Variants in BMP6 observed in about 807,000 individuals in gnomAD.
BMP6 encodes bone morphogenetic protein 6.
A neutral mutation model predicts 54.1 loss-of-function variants in BMP6; 17 were observed. The observed-to-expected ratio is 0.31, with a 90% CI of 0.22 to 0.47. The LOEUF (loss-of-function observed/expected upper bound fraction) is 0.47. Among genes scored for constraint, BMP6 ranks in the 20% least tolerant of loss-of-function variants. BMP6 has a pLI of 1.00. For missense variants in BMP6, 720 were observed against 690.4 expected, an observed-to-expected ratio of 1.04 and a Z score of -0.48; for synonymous variants, 328 against 291.2, an observed-to-expected ratio of 1.13 and a Z score of -1.28.
At position 7,727,635 on chromosome 6, in the gene BMP6, A is replaced by T; in HGVS notation, c.664+16A>T. On this transcript the variant is annotated intron_variant, in intron 1 of 6. Transcript: ENST00000283147. ...GTGAACCTGGGTAAGGATTTGGGGT[A>T]ACGTAATGACGAGAACATTTCCCCC... is the stretch of plus-strand genomic sequence containing the variant. 1 of 1,526,476 alleles carries T rather than the reference A, an allele frequency of 6.6e-7. No individual in the cohort carries two copies. Among genetic ancestry groups the T allele is most frequent in the East Asian group, 2.4e-5 (1 of 42,398 alleles). 94.6% of individuals were successfully genotyped at this position (1,526,476 alleles called of 1,614,324 possible). A position where few individuals can be genotyped will look rare whatever the true frequency, so the allele number is the denominator to read the frequency against.
chr6:7,799,740 T>TAAA (rs34023411), intron 1 of BMP6, among the ~76,000 whole-genome samples: 1,688 of 145,750 alleles, frequency 0.012, 13 homozygotes, highest in South Asian at 0.053. Flanking sequence ...ACACTGATTA[T>TAAA]AAAAAAAAAA....
intron 1 of BMP6, among the ~76,000 whole-genome samples, chr6:7,783,968 A>G (rs1048456877): frequency 2.0e-5 from 3 of 152,258 alleles, no homozygotes; most frequent in Non-Finnish European, 4.4e-5. Flanking sequence ...CCTTGTAGAT[A>G]GGAAGATGTG....
chr6:7,828,976 G>A (rs12215656), intron 1 of BMP6, among the ~76,000 whole-genome samples: 15,381 of 152,196 alleles, frequency 0.1, 1,023 homozygotes, highest in Non-Finnish European at 0.15. Context: ...GTGCTGTGCC[G>A]CGAATAATAG....
At chr6:7,861,094 AAAAT>A (rs1421019107) in intron 2 of BMP6, among the ~76,000 whole-genome samples, 1 of 152,154 alleles carries the variant, frequency 6.6e-6, no homozygotes, top group Non-Finnish European at 1.5e-5. Flanking sequence ...CAAAAAAAAA[AAAAT>A]AAAAAAGTTT....
At chr6:7,791,000 TG>T (rs147576908) in intron 1 of BMP6, among the ~76,000 whole-genome samples, 2,159 of 152,224 alleles carry the variant, frequency 0.014, 45 homozygotes, top group African/African-American at 0.048. Context: ...AAACCTCCCT[TG>T]GCCCCTTCAC....
intron 4 of BMP6, among the ~76,000 whole-genome samples, chr6:7,875,900 C>T (rs1387792290): frequency 6.6e-6 from 1 of 152,196 alleles, no homozygotes; most frequent in Non-Finnish European, 1.5e-5. Flanking sequence ...ATGTGGTCAT[C>T]ACCCTAGACA....
chr6:7,832,275 C>G (rs1052323226), intron 1 of BMP6, among the ~76,000 whole-genome samples: 5 of 152,188 alleles, frequency 3.3e-5, no homozygotes, highest in Admixed American at 6.5e-5. Flanking sequence ...AAATTCATAT[C>G]TTGAAACCTA....
At chr6:7,759,938 CA>C (rs1480428723) in intron 1 of BMP6, among the ~76,000 whole-genome samples, 2 of 151,910 alleles carry the variant, frequency 1.3e-5, no homozygotes, top group Non-Finnish European at 2.9e-5. Flanking sequence ...CTCCTGACCT[CA>C]GGTGATCTGC....
chr6:7,807,913 CTTT>C (rs755894743), intron 1 of BMP6, among the ~76,000 whole-genome samples: 1,237 of 81,366 alleles, frequency 0.015, 6 homozygotes, highest in African/African-American at 0.057. Flanking sequence ...GAAGTCTTTA[CTTT>C]TTTTTTTTTT....
In BMP6 at chr6:7,798,916, C is replaced by T. The variant is rs73719320; in HGVS notation, c.665-46224C>T. ...CAGAGTGATACAGAGAAACTCGGAA[C>T]GTGGTCACCAGTGGGCCTTCTGGCA... On this transcript the variant is annotated intron_variant, in intron 1 of 6. Coordinates refer to ENST00000283147, the MANE Select transcript of BMP6 (RefSeq NM_001718.6). Among the ~76,000 whole-genome samples, 1,160 of 152,276 alleles carry T rather than the reference C, an allele frequency of 7.6e-3. 25 individuals carry two copies. The highest frequency in any genetic ancestry group is 0.027 in the African/African-American group (1,103 of 41,546).
intron 1 of BMP6, among the ~76,000 whole-genome samples, chr6:7,786,897 A>C (rs576791238): frequency 6.6e-6 from 1 of 152,190 alleles, no homozygotes; most frequent in African/African-American, 2.4e-5. Context: ...CCAGCTGTCA[A>C]TAATATCTTT....
intron 1 of BMP6, among the ~76,000 whole-genome samples, chr6:7,837,173 C>T (rs1758888700): frequency 1.3e-5 from 2 of 152,144 alleles, no homozygotes; most frequent in South Asian, 2.1e-4. Flanking sequence ...AAATCGATTG[C>T]TCTGTTCTTT....
chr6:7,811,613 A>G (rs1201431996), intron 1 of BMP6, among the ~76,000 whole-genome samples: 1 of 152,184 alleles, frequency 6.6e-6, no homozygotes, highest in Non-Finnish European at 1.5e-5. Context: ...AATGGGGCCT[A>G]AGTTCAGGGT....
chr6:7,862,667 G>T (rs1353398236), intron 4 of BMP6, among the ~76,000 whole-genome samples, 169 bp downstream of exon 4: 1 of 152,172 alleles, frequency 6.6e-6, no homozygotes, highest in African/African-American at 2.4e-5. Flanking sequence ...ATCTGCGTGG[G>T]TTCTGAGGGC....
chr6:7,775,170 G>A, intron 1 of BMP6, among the ~76,000 whole-genome samples: 1 of 152,178 alleles, frequency 6.6e-6, no homozygotes, highest in East Asian at 1.9e-4. Flanking sequence ...AACTTTGGGG[G>A]ACACCTTCAA....
intron 1 of BMP6, among the ~76,000 whole-genome samples, chr6:7,826,110 T>G (rs1307543099): frequency 6.6e-6 from 1 of 152,146 alleles, no homozygotes; most frequent in Admixed American, 6.5e-5. Context: ...GAGCATGCAG[T>G]GGTGCCTGAG....
At chr6:7,820,204 C>A (rs1257064084) in intron 1 of BMP6, among the ~76,000 whole-genome samples, 2 of 152,162 alleles carry the variant, frequency 1.3e-5, no homozygotes, top group African/African-American at 4.8e-5. Flanking sequence ...TGTGCATATA[C>A]AAATGACATC....
intron 1 of BMP6, among the ~76,000 whole-genome samples, chr6:7,747,988 T>G (rs891717386): frequency 2.0e-5 from 3 of 152,192 alleles, no homozygotes; most frequent in African/African-American, 7.2e-5. Context: ...TACATTTGTG[T>G]TGTTCTGAGC....
intron 1 of BMP6, among the ~76,000 whole-genome samples, chr6:7,784,973 C>T (rs1392887300): frequency 6.6e-6 from 1 of 152,296 alleles, no homozygotes; most frequent in Non-Finnish European, 1.5e-5. Flanking sequence ...TAGAACTTTT[C>T]CCATTTGGCA....
Sources: gnomAD v4.1 joint callset for allele counts (sites outside exome capture counted in the v4.1 genomes callset) on GRCh38, gnomAD v4.1.1 for gene constraint, MANE v1.5 for transcripts, NCBI Gene and HGNC (gene_info 2026-07-23, HGNC 2026-07-21) for gene names.